The following STAU2 variants were observed in gnomAD, a reference collection of about 807,000 sequenced individuals.
STAU2 encodes the protein staufen double-stranded RNA binding protein 2.
STAU2 carries 20 observed loss-of-function variants against 65.9 expected under a neutral mutation model. The ratio of observed to expected loss-of-function variants is 0.30; its 90% CI spans 0.21 to 0.44. The LOEUF (loss-of-function observed/expected upper bound fraction) is 0.44, where lower values mean the gene tolerates loss of function less well. Among genes scored for constraint, STAU2 ranks in the 20% least tolerant of loss-of-function variants. STAU2 has a pLI of 1.00. For missense variants in STAU2, 558 were observed against 683.9 expected (o/e 0.82, Z 2.05); for synonymous variants, 232 against 233.9 (o/e 0.99, Z 0.07).
At chr8:73,588,788 A>G (rs1810562008) in intron 11 of STAU2, among the ~76,000 whole-genome samples, 1 of 152,222 alleles carries the variant, frequency 6.6e-6, no homozygotes, top group Non-Finnish European at 1.5e-5. Context: ...AATGCTGGGA[A>G]ATGTACAGGA....
intron 13 of STAU2, among the ~76,000 whole-genome samples, chr8:73,532,019 T>A (rs1805853576): frequency 6.6e-6 from 1 of 152,088 alleles, no homozygotes; most frequent in African/African-American, 2.4e-5. Context: ...ATAGACCCCC[T>A]CTGAGTCAAG....
intron 13 of STAU2, among the ~76,000 whole-genome samples, chr8:73,433,345 C>T (rs1322661378): frequency 2.7e-5 from 4 of 148,954 alleles, no homozygotes; most frequent in South Asian, 2.1e-4. Context: ...GCTGGGACTA[C>T]AGGCACCCGC....
intron 12 of STAU2, among the ~76,000 whole-genome samples, chr8:73,570,785 G>C (rs1226438316): frequency 1.3e-5 from 2 of 152,140 alleles, no homozygotes; most frequent in Admixed American, 6.5e-5. Flanking sequence ...AAGAGAGTGG[G>C]GGCCAATATT....
intron 5 of STAU2, among the ~76,000 whole-genome samples, chr8:73,673,939 C>A (rs1371228349): frequency 6.6e-6 from 1 of 151,928 alleles, no homozygotes; most frequent in Non-Finnish European, 1.5e-5. Context: ...CTACTACACA[C>A]CTTGCTTCTT....
At chr8:73,449,033 C>T (rs1278630725) in intron 13 of STAU2, among the ~76,000 whole-genome samples, 1 of 152,230 alleles carries the variant, frequency 6.6e-6, no homozygotes, top group Admixed American at 6.5e-5. Flanking sequence ...AGTCGGCCCC[C>T]GGCGCAGGAG....
chr8:73,464,739 G>A (rs1194565148), intron 13 of STAU2, among the ~76,000 whole-genome samples: 1 of 152,186 alleles, frequency 6.6e-6, no homozygotes, highest in Non-Finnish European at 1.5e-5. Context: ...TCAAAGGAAA[G>A]ATTATAAAAG....
intron 13 of STAU2, among the ~76,000 whole-genome samples, chr8:73,447,978 A>AT (rs1349400422): frequency 2.6e-5 from 4 of 152,068 alleles, no homozygotes; most frequent in Non-Finnish European, 5.9e-5. Flanking sequence ...CATCGATGGG[A>AT]TTTTTAGCCA....
At chr8:73,649,504 A>C (rs1373698189) in intron 6 of STAU2, among the ~76,000 whole-genome samples, 1 of 152,158 alleles carries the variant, frequency 6.6e-6, no homozygotes, top group Non-Finnish European at 1.5e-5. Flanking sequence ...ATTATAAAAA[A>C]GATAATACCA....
chr8:73,613,921 G>T lies in STAU2; in HGVS notation c.714C>A (p.Ser238Arg). 6.2e-7 allele frequency: 1 copy of T among 1,612,558 alleles called. No individual in the cohort carries two copies. Among genetic ancestry groups the T allele is most frequent in the Non-Finnish European group, 8.5e-7 (1 of 1,179,596 alleles). ...CTCCTACTGACACTCGAGTAACAAA[G>T]CTTTTCATATGTGGTGGTCCACTTT... is the stretch of plus-strand genomic sequence containing the variant. ...IKESGPPHMK[S>R]FVTRVSVGEF... Residue 238 changes from serine to arginine, a missense_variant, in exon 9 of 15, where the codon AGC becomes AGA. Coordinates refer to ENST00000524300, the MANE Select transcript of STAU2 (RefSeq NM_001164380.2).
chr8:73,736,735 G>A (rs1291261963), intron 3 of STAU2, among the ~76,000 whole-genome samples: 2 of 152,022 alleles, frequency 1.3e-5, no homozygotes, highest in Non-Finnish European at 2.9e-5. Context: ...TGAGTTTGGA[G>A]CTCAGAAAAA....
chr8:73,555,672 G>C (rs1349357991), intron 12 of STAU2, among the ~76,000 whole-genome samples: 1 of 128,604 alleles, frequency 7.8e-6, no homozygotes, highest in South Asian at 2.5e-4. Flanking sequence ...TATAATATTT[G>C]ATGTTGTGTA....
chr8:73,527,959 T>C (rs1181026115), intron 13 of STAU2, among the ~76,000 whole-genome samples: 3 of 152,176 alleles, frequency 2.0e-5, no homozygotes, highest in African/African-American at 7.2e-5. Context: ...GAATTGAATC[T>C]ATTAATTCCA....
At chr8:73,617,879 G>A (rs1369096341) in intron 6 of STAU2, among the ~76,000 whole-genome samples, 1 of 151,176 alleles carries the variant, frequency 6.6e-6, no homozygotes, top group Non-Finnish European at 1.5e-5. Flanking sequence ...GATTAGAAAT[G>A]GACCGACTAC....
intron 4 of STAU2, among the ~76,000 whole-genome samples, chr8:73,706,144 TCTCA>T (rs1820485991): frequency 6.6e-6 from 1 of 151,878 alleles, no homozygotes; most frequent in South Asian, 2.1e-4. Context: ...TGAGACCGAG[TCTCA>T]CTCTGTAGCC....
intron 6 of STAU2, among the ~76,000 whole-genome samples, chr8:73,655,706 T>C: frequency 7.1e-6 from 1 of 141,590 alleles, no homozygotes. Context: ...TGGAGTGCAG[T>C]GGCGCGATCT....
At chr8:73,746,196 G>C (rs117885254) in intron 1 of STAU2, among the ~76,000 whole-genome samples, 2 of 152,038 alleles carry the variant, frequency 1.3e-5, no homozygotes, top group East Asian at 3.9e-4. Context: ...TTTACCACTA[G>C]CCCATTCTAC....
intron 13 of STAU2, among the ~76,000 whole-genome samples, chr8:73,528,622 A>G (rs1379918138): frequency 6.6e-6 from 1 of 152,182 alleles, no homozygotes; most frequent in African/African-American, 2.4e-5. Context: ...AGAATAAATT[A>G]GGGATTCCTA....
intron 12 of STAU2, among the ~76,000 whole-genome samples, chr8:73,573,576 C>G (rs1294730785): frequency 6.6e-6 from 1 of 152,134 alleles, no homozygotes; most frequent in Non-Finnish European, 1.5e-5. Context: ...TGGAACAGAA[C>G]AGAGCCCTCA....
At chr8:73,683,006 G>A (rs1818542331) in intron 5 of STAU2, among the ~76,000 whole-genome samples, 1 of 152,114 alleles carries the variant, frequency 6.6e-6, no homozygotes, top group Admixed American at 6.6e-5. Flanking sequence ...GGACCAGACG[G>A]ATTCACAGCT....
Sources: allele counts gnomAD v4.1 joint callset (sites outside exome capture counted in the v4.1 genomes callset), GRCh38; gene constraint gnomAD v4.1.1; transcripts MANE v1.5; gene names NCBI Gene and HGNC (gene_info 2026-07-23, HGNC 2026-07-21).